The following SMAD3 variants were observed in gnomAD, a reference collection of about 807,000 sequenced individuals.
SMAD3 encodes SMAD family member 3, also known as MAD homolog 3.
A neutral mutation model predicts 51.8 loss-of-function variants in SMAD3; 12 were observed. The ratio of observed to expected loss-of-function variants is 0.23; its 90% confidence interval spans 0.15 to 0.38. The LOEUF (loss-of-function observed/expected upper bound fraction) is 0.38. Ranked by LOEUF, SMAD3 falls within the 10% of genes least tolerant of loss-of-function variation. The probability of loss-of-function intolerance (pLI) is 1.00; values close to 1 mark genes in which losing one functional copy is unlikely to be tolerated. For synonymous variants in SMAD3, 238 were observed against 227.7 expected, an observed-to-expected ratio of 1.05 and a Z score of -0.41; for missense variants, 294 against 565.6, an observed-to-expected ratio of 0.52 and a Z score of 4.87.
chr15:67,151,413 A>T (rs1256262572), intron 1 of SMAD3, among the ~76,000 whole-genome samples: 1 of 151,732 alleles, frequency 6.6e-6, no homozygotes, highest in Non-Finnish European at 1.5e-5. Context: ...GCTCACTGCA[A>T]CCTCCACCTC....
intron 1 of SMAD3, among the ~76,000 whole-genome samples, chr15:67,074,962 G>A (rs1203919672): frequency 1.3e-5 from 2 of 152,060 alleles, no homozygotes; most frequent in Non-Finnish European, 2.9e-5. Flanking sequence ...CCCTTTTGCT[G>A]CTAAGTGTTG....
At chr15:67,160,792 AAAAAAAAAAAAAAAAAAAAAG>A (rs1940873261) in intron 1 of SMAD3, among the ~76,000 whole-genome samples, 1 of 145,440 alleles carries the variant, frequency 6.9e-6, no homozygotes, top group Non-Finnish European at 1.5e-5. Flanking sequence ...AAAAAAAAAA[AAAAAAAAAAAAAAAAAAAAAG>A]AAGATTGAAT....
At chr15:67,172,605 T>C (rs1356504792) in intron 5 of SMAD3, among the ~76,000 whole-genome samples, 2 of 152,256 alleles carry the variant, frequency 1.3e-5, no homozygotes, top group African/African-American at 2.4e-5. Context: ...GCTTCCTGCA[T>C]GTTAACCTGA....
chr15:67,182,253 CT>C (rs1219717640), intron 6 of SMAD3, among the ~76,000 whole-genome samples: 3 of 152,192 alleles, frequency 2.0e-5, no homozygotes, highest in Non-Finnish European at 4.4e-5. Flanking sequence ...TACTGTGAAC[CT>C]TCTGCCTTCT....
intron 1 of SMAD3, among the ~76,000 whole-genome samples, chr15:67,123,075 G>C (rs1242743140): frequency 6.6e-6 from 1 of 151,570 alleles, no homozygotes; most frequent in African/African-American, 2.4e-5. Flanking sequence ...GTGTGAGCCT[G>C]TGGTCTCAGC....
rs1182834384 is a variant in SMAD3 at position 67,166,847 on chromosome 15, G to T, written c.601G>T (p.Asp201Tyr). The change falls in exon 4 of 9, where the codon GAC becomes TAC. Residue 201 changes from aspartate to tyrosine, a missense_variant. Physicochemically the swap from Asp to Tyr is radical, Grantham distance 160. Around this residue, in one of 3 missense-constraint regions of SMAD3, gnomAD observed 29 missense variants for 26.7 expected, o/e 1.09. Coordinates refer to ENST00000327367, the MANE Select transcript of SMAD3 (RefSeq NM_005902.4). ...TSDHQMNHSMDAGSPNLSPNP... is the reference protein window; with the variant it reads ...TSDHQMNHSMYAGSPNLSPNP... ...TGACCACCAGATGAACCACAGCATGGACGCAGGTCAGTCATGCAGGGTCAT... is the reference window on the plus strand; with the variant it reads ...TGACCACCAGATGAACCACAGCATGTACGCAGGTCAGTCATGCAGGGTCAT... The T allele has an allele frequency of 1.3e-6, 2 of 1,590,316 alleles. No homozygotes were observed. Among genetic ancestry groups the T allele is most frequent in the African/African-American group, 1.3e-5 (1 of 74,746 alleles).
At chr15:67,146,073 C>T (rs912044921) in intron 1 of SMAD3, 7 of 152,206 alleles carry the variant, frequency 4.6e-5, no homozygotes, top group Non-Finnish European at 1.5e-5. Flanking sequence ...TTCTAGGAAG[C>T]AACTGGTCAG....
At chr15:67,132,524 G>A (rs1961551110) in intron 1 of SMAD3, among the ~76,000 whole-genome samples, 1 of 152,156 alleles carries the variant, frequency 6.6e-6, no homozygotes, top group Non-Finnish European at 1.5e-5. Context: ...CCAAGAGGCA[G>A]GGACTCCAAG....
intron 7 of SMAD3, chr15:67,186,518 G>C (rs944990435): frequency 6.5e-6 from 1 of 154,082 alleles, no homozygotes; most frequent in East Asian, 1.9e-4. Context: ...GGAGCCTGCT[G>C]TTGGCTCATT....
chr15:67,071,223 C>G (rs1487686018), intron 1 of SMAD3, among the ~76,000 whole-genome samples: 2 of 152,138 alleles, frequency 1.3e-5, no homozygotes, highest in African/African-American at 4.8e-5. Context: ...CCAAAGGAAG[C>G]TTTTTGGACT....
In SMAD3 at chr15:67,191,035, G is replaced by GCCCCCCCCCCCCCCCC; in HGVS notation, c.*503_*504insCCCCCCCCCCCCCCCC. The GCCCCCCCCCCCCCCCC allele has an allele frequency of 8.9e-6, 2 of 224,530 alleles. No individual in the cohort carries two copies. The highest frequency in any genetic ancestry group is 6.5e-5 in the East Asian group (1 of 15,484). 13.9% of individuals were successfully genotyped at this position (224,530 alleles called of 1,614,324 possible). On this transcript the variant is annotated 3_prime_UTR_variant, in exon 9 of 9. Coordinates refer to ENST00000327367, the MANE Select transcript of SMAD3 (RefSeq NM_005902.4). Reference sequence around the variant, plus strand: ...TCTTCCAGTGAACATTCCCAGCCCAGCCCCGCCCCGCCCCGCCCCACCACT... The same window carrying GCCCCCCCCCCCCCCCC: ...TCTTCCAGTGAACATTCCCAGCCCAGCCCCCCCCCCCCCCCCCCCCGCCCCGCCCCGCCCCACCACT...
chr15:67,169,382 C>T (rs1254079610), intron 4 of SMAD3, among the ~76,000 whole-genome samples: 5 of 152,050 alleles, frequency 3.3e-5, no homozygotes, highest in Non-Finnish European at 5.9e-5. Context: ...CCACAAACAG[C>T]GCAAGGCAGC....
At chr15:67,093,734 G>A (rs1167032438) in intron 1 of SMAD3, among the ~76,000 whole-genome samples, 1 of 152,220 alleles carries the variant, frequency 6.6e-6, no homozygotes, top group African/African-American at 2.4e-5. Context: ...CGCTGTGTTG[G>A]CATGCGAGGT....
At chr15:67,077,457 G>C (rs926487256) in intron 1 of SMAD3, among the ~76,000 whole-genome samples, 2 of 152,212 alleles carry the variant, frequency 1.3e-5, no homozygotes, top group Non-Finnish European at 1.5e-5. Flanking sequence ...GTGGAGCAGA[G>C]AGCTGGACCA....
intron 1 of SMAD3, among the ~76,000 whole-genome samples, chr15:67,157,588 C>G (rs914995325): frequency 1.3e-5 from 2 of 152,240 alleles, no homozygotes; most frequent in Non-Finnish European, 2.9e-5. Flanking sequence ...GTTTCTGGAA[C>G]TTATGTGCTG....
rs759884384 is a variant in SMAD3 at position 67,195,108 on chromosome 15, G to C, written c.*4572G>C. 4.3e-6 allele frequency: 1 copy of C among 233,408 alleles called. No individual in the cohort carries two copies. Among genetic ancestry groups the C allele is most frequent in the South Asian group, 1.8e-4 (1 of 5,502 alleles). The allele number at this position is 233,408 out of a possible 1,614,324, so 14.5% of individuals were successfully genotyped here. A position where few individuals can be genotyped will look rare whatever the true frequency, so the allele number is the denominator to read the frequency against. ...ATTGTACCCCTATTGTTAAAGATTT[G>C]TGTCCTCTCATTCCCTCTCTTCCTC... is the stretch of plus-strand genomic sequence containing the variant. On this transcript the variant is annotated 3_prime_UTR_variant, in exon 9 of 9. Transcript: ENST00000327367.
At position 67,066,182 on chromosome 15, in the gene SMAD3, C is replaced by G. The variant is rs1442483457; in HGVS notation, c.28C>G (p.Pro10Ala). The G allele has an allele frequency of 6.2e-7, 1 of 1,608,948 alleles. No homozygotes were observed. The highest frequency in any genetic ancestry group is 8.5e-7 in the Non-Finnish European group (1 of 1,178,128). ...GTCGTCCATCCTGCCTTTCACTCCC[C>G]CGATCGTGAAGCGCCTGCTGGGCTG... The part of the protein sequence containing the change: MSSILPFTP[P>A]IVKRLLGWKK... Residue 10 changes from proline (P) to alanine (A), a missense_variant, in exon 1 of 9, where the codon CCG (proline) becomes GCG (alanine). Transcript: ENST00000327367.
chr15:67,098,961 C>T (rs1960685288), intron 1 of SMAD3: 1 of 702,406 alleles, frequency 1.4e-6, no homozygotes, highest in Non-Finnish European at 2.6e-6. Flanking sequence ...TGAAATGCTT[C>T]ACAAATGTGG....
chr15:67,150,845 G>GTTTTT (rs1342434861), intron 1 of SMAD3, among the ~76,000 whole-genome samples: 45 of 14,358 alleles, frequency 3.1e-3, no homozygotes, highest in Admixed American at 6.0e-3. Flanking sequence ...CTATTTCTCA[G>GTTTTT]TCTTTTTTTT....
Sources: gnomAD v4.1 joint callset for allele counts (sites outside exome capture counted in the v4.1 genomes callset) on GRCh38, gnomAD v4.1.1 for gene constraint, gnomAD v4.1.1 regional missense constraint, MANE v1.5 for transcripts, NCBI Gene and HGNC (gene_info 2026-07-23, HGNC 2026-07-21) for gene names.